STK39: variants seen among roughly 807,000 people sequenced by gnomAD.
STK39 encodes the protein STE20/SPS1-related proline-alanine-rich protein kinase.
A neutral mutation model predicts 77.8 loss-of-function variants in STK39; 20 were observed. The observed-to-expected ratio is 0.26, with a 90% CI of 0.18 to 0.37. STK39 has a LOEUF of 0.37. STK39 is among the 10% of genes least tolerant of loss of function. STK39 has a pLI of 1.00. For synonymous variants in STK39, 246 were observed against 234.1 expected (o/e 1.05, Z -0.47); for missense variants, 479 against 656.5 (o/e 0.73, Z 2.95).
chr2:167,958,067 G>A (rs1691835564), intron 17 of STK39, among the ~76,000 whole-genome samples: 1 of 152,114 alleles, frequency 6.6e-6, no homozygotes, highest in African/African-American at 2.4e-5. Flanking sequence ...CACAAATGAG[G>A]GTGATATGCA....
chr2:168,242,022 C>A (rs184474470), intron 1 of STK39, among the ~76,000 whole-genome samples: 1 of 152,258 alleles, frequency 6.6e-6, no homozygotes, highest in East Asian at 1.9e-4. Context: ...ATGTACTATA[C>A]AATAAACCAT....
chr2:168,178,398 T>C (rs915416904), intron 2 of STK39, among the ~76,000 whole-genome samples: 6 of 152,204 alleles, frequency 3.9e-5, no homozygotes, highest in African/African-American at 1.4e-4. Flanking sequence ...AAGGATTAGA[T>C]TAATTGCTAT....
At chr2:168,105,053 A>G (rs1034444696) in intron 10 of STK39, among the ~76,000 whole-genome samples, 13 of 152,238 alleles carry the variant, frequency 8.5e-5, no homozygotes, top group African/African-American at 2.9e-4. Flanking sequence ...TACCTTTTGG[A>G]GTTAAAATGA....
chr2:168,224,340 TA>T (rs1001463157), intron 1 of STK39, among the ~76,000 whole-genome samples: 27 of 151,930 alleles, frequency 1.8e-4, no homozygotes, highest in African/African-American at 6.0e-4. Flanking sequence ...AGCATTCAAA[TA>T]AAAAAGGATA....
intron 14 of STK39, among the ~76,000 whole-genome samples, chr2:168,057,544 G>A (rs191253062): frequency 3.7e-4 from 56 of 151,380 alleles, no homozygotes; most frequent in African/African-American, 6.5e-4. Flanking sequence ...TCACACGCAC[G>A]TGCACACACA....
intron 14 of STK39, among the ~76,000 whole-genome samples, chr2:168,038,356 A>C (rs1669572447): frequency 6.6e-6 from 1 of 152,000 alleles, no homozygotes; most frequent in African/African-American, 2.4e-5. Flanking sequence ...GTGTATCTGG[A>C]AGGAAACAAA....
chr2:168,183,752 C>CCATT (rs1689140744), intron 1 of STK39, among the ~76,000 whole-genome samples: 1 of 152,212 alleles, frequency 6.6e-6, no homozygotes, highest in African/African-American at 2.4e-5. Flanking sequence ...AGCTGCTACC[C>CCATT]CATTGGCTGC....
intron 3 of STK39, among the ~76,000 whole-genome samples, chr2:168,167,075 C>G (rs1025291656): frequency 1.6e-4 from 24 of 152,032 alleles, no homozygotes; most frequent in African/African-American, 5.6e-4. Flanking sequence ...GCATTTCATA[C>G]CTGGAGAAGA....
chr2:168,066,852 C>G (rs1685808254), intron 12 of STK39, among the ~76,000 whole-genome samples: 1 of 152,224 alleles, frequency 6.6e-6, no homozygotes, highest in African/African-American at 2.4e-5. Flanking sequence ...AGAAAATGTG[C>G]AGAGATGCAC....
chr2:168,047,048 G>C (rs1233528743), intron 14 of STK39, among the ~76,000 whole-genome samples: 2 of 152,066 alleles, frequency 1.3e-5, no homozygotes, highest in Non-Finnish European at 2.9e-5. Flanking sequence ...GAAAAAAAGA[G>C]AATGAAGCAT....
intron 14 of STK39, among the ~76,000 whole-genome samples, chr2:168,021,907 C>T (rs1291242931): frequency 1.3e-5 from 2 of 152,038 alleles, no homozygotes; most frequent in African/African-American, 4.8e-5. Context: ...CCTGGTTGCC[C>T]TTCCAGGGGC....
intron 16 of STK39, among the ~76,000 whole-genome samples, chr2:167,993,229 A>T (rs576422034): frequency 6.6e-6 from 1 of 152,208 alleles, no homozygotes; most frequent in African/African-American, 2.4e-5. Context: ...AAGCCCCACA[A>T]TGGGCTCATG....
rs1041886168 is a variant in STK39 at position 168,118,983 on chromosome 2, C to G, written c.1089+10558G>C. On this transcript the variant is annotated intron_variant, in intron 10 of 17. Transcript: ENST00000355999. ...CTGTGAACGCCTGTCCCTGTAACAGCCCCAGTGAAATCAGTAACTTTAACC... is the reference window on the plus strand; with the variant it reads ...CTGTGAACGCCTGTCCCTGTAACAGGCCCAGTGAAATCAGTAACTTTAACC... Among the ~76,000 whole-genome samples, 5 of 152,280 alleles carry G rather than the reference C, an allele frequency of 3.3e-5. No homozygotes were observed. In the East Asian group the frequency reaches 9.6e-4, roughly 29 times the overall value.
intron 14 of STK39, among the ~76,000 whole-genome samples, chr2:168,048,503 C>CGCCCAGCCCG (rs1553517837): frequency 9.3e-5 from 14 of 150,384 alleles, no homozygotes; most frequent in Non-Finnish European, 1.9e-4. Flanking sequence ...TGAGCCACCG[C>CGCCCAGCCCG]GCCCGGCCCG....
intron 1 of STK39, among the ~76,000 whole-genome samples, chr2:168,198,198 A>T (rs1340008097): frequency 6.6e-6 from 1 of 152,200 alleles, no homozygotes; most frequent in African/African-American, 2.4e-5. Flanking sequence ...ATTTATAGCC[A>T]CAATAATTAT....
intron 14 of STK39, among the ~76,000 whole-genome samples, chr2:168,039,693 T>C (rs1685054460): frequency 6.6e-6 from 1 of 151,984 alleles, no homozygotes; most frequent in African/African-American, 2.4e-5. Flanking sequence ...AGGAAACTTC[T>C]CAGGGAGAAG....
intron 15 of STK39, among the ~76,000 whole-genome samples, chr2:168,013,334 T>C (rs1684318586): frequency 6.6e-6 from 1 of 152,216 alleles, no homozygotes; most frequent in Non-Finnish European, 1.5e-5. Flanking sequence ...CTCATAAGGA[T>C]GGGACTAAAG....
intron 1 of STK39, among the ~76,000 whole-genome samples, chr2:168,214,101 C>T (rs1689963747): frequency 6.6e-6 from 1 of 152,118 alleles, no homozygotes; most frequent in South Asian, 2.1e-4. Flanking sequence ...CCAGCCTGCC[C>T]ACCTCCACAT....
At chr2:168,151,352 T>C (rs1471424113) in intron 5 of STK39, among the ~76,000 whole-genome samples, 12 of 152,230 alleles carry the variant, frequency 7.9e-5, no homozygotes, top group African/African-American at 2.7e-4. Context: ...ATGTAGACTC[T>C]TGACATTGCC....
Sources: gnomAD v4.1 joint callset for allele counts (sites outside exome capture counted in the v4.1 genomes callset) on GRCh38, gnomAD v4.1.1 for gene constraint, MANE v1.5 for transcripts, NCBI Gene and HGNC (gene_info 2026-07-23, HGNC 2026-07-21) for gene names.